Variants in HCN1 observed in about 807,000 individuals in gnomAD.
HCN1 encodes hyperpolarization activated cyclic nucleotide gated potassium channel 1, also known as potassium/sodium hyperpolarization-activated cyclic nucleotide-gated channel 1.
In HCN1, 13 loss-of-function variants were observed where a neutral mutation model predicts 78.9. The observed-to-expected ratio is 0.16, with a 90% CI of 0.11 to 0.26. The LOEUF is 0.26. Among genes scored for constraint, HCN1 ranks in the 10% least tolerant of loss-of-function variants. HCN1 has a pLI of 1.00. For synonymous variants in HCN1, 552 were observed against 455.5 expected (o/e 1.21, Z -2.70); for missense variants, 810 against 1,154.3 (o/e 0.70, Z 4.32).
intron 2 of HCN1, among the ~76,000 whole-genome samples, chr5:45,560,911 A>C (rs1327234661): frequency 2.0e-5 from 3 of 152,134 alleles, no homozygotes; most frequent in Non-Finnish European, 1.5e-5. Flanking sequence ...AAGTTTTTTA[A>C]CTGAGGAAAT....
intron 3 of HCN1, among the ~76,000 whole-genome samples, chr5:45,440,752 G>A (rs1192533512): frequency 6.6e-6 from 1 of 152,138 alleles, no homozygotes; most frequent in Non-Finnish European, 1.5e-5. Flanking sequence ...TTAGTTCCTG[G>A]TGCTGTAGCT....
At chr5:45,641,225 CAGTT>C (rs1207242382) in intron 2 of HCN1, among the ~76,000 whole-genome samples, 2 of 152,144 alleles carry the variant, frequency 1.3e-5, no homozygotes, top group Non-Finnish European at 1.5e-5. Context: ...TTTATAGTAA[CAGTT>C]AGTTTCTACT....
At chr5:45,584,777 C>T (rs1474287900) in intron 2 of HCN1, among the ~76,000 whole-genome samples, 1 of 152,084 alleles carries the variant, frequency 6.6e-6, no homozygotes, top group Non-Finnish European at 1.5e-5. Flanking sequence ...TTTATTTCTC[C>T]TTCACTTATG....
chr5:45,683,178 T>A (rs1340553584), intron 1 of HCN1, among the ~76,000 whole-genome samples: 1 of 152,130 alleles, frequency 6.6e-6, no homozygotes, highest in African/African-American at 2.4e-5. Context: ...ACTTTGGATT[T>A]AACTTTGCTG....
At chr5:45,383,130 T>C (rs1464336468) in intron 4 of HCN1, among the ~76,000 whole-genome samples, 1 of 152,198 alleles carries the variant, frequency 6.6e-6, no homozygotes, top group African/African-American at 2.4e-5. Context: ...CATGCAGTTA[T>C]GAAGATGCAG....
At position 45,258,987 on chromosome 5, in the gene HCN1, A is replaced by G. The variant is rs1744676492; in HGVS notation, c.*2934T>C. 2.6e-5 allele frequency: 4 copies of G among 152,000 alleles called. No individual in the cohort carries two copies. In the South Asian group the frequency reaches 8.3e-4, roughly 31 times the overall value. 9.4% of individuals were successfully genotyped at this position (152,000 alleles called of 1,614,324 possible). On this transcript the variant is annotated 3_prime_UTR_variant, in exon 8 of 8. Coordinates refer to ENST00000303230, the MANE Select transcript of HCN1 (RefSeq NM_021072.4). ...TGTGTTTTGAAGTTGGAGAACAACC[A>G]CATTCTAAAAAGGCACAGAGCAAAA...
intron 3 of HCN1, among the ~76,000 whole-genome samples, chr5:45,402,809 T>C (rs1156830909): frequency 1.6e-5 from 2 of 127,004 alleles, no homozygotes; most frequent in Admixed American, 7.8e-5. Context: ...CTTTCCTTTC[T>C]TTCCTCCTTC....
At chr5:45,479,425 A>C (rs1037783602) in intron 2 of HCN1, among the ~76,000 whole-genome samples, 1 of 152,252 alleles carries the variant, frequency 6.6e-6, no homozygotes, top group Non-Finnish European at 1.5e-5. Flanking sequence ...CCCTTTAACT[A>C]CATTGAATAA....
chr5:45,431,797 C>CT (rs931442289), intron 3 of HCN1, among the ~76,000 whole-genome samples: 6 of 151,982 alleles, frequency 3.9e-5, no homozygotes, highest in Non-Finnish European at 5.9e-5. Context: ...GTCTATGTAC[C>CT]TTTTTTTGTA....
chr5:45,297,686 C>A (rs1331986497), intron 6 of HCN1, among the ~76,000 whole-genome samples: 2 of 152,016 alleles, frequency 1.3e-5, no homozygotes, highest in Non-Finnish European at 2.9e-5. Flanking sequence ...AATAATATAT[C>A]TCATAAAGAT....
chr5:45,431,442 G>A (rs1236012224), intron 3 of HCN1, among the ~76,000 whole-genome samples: 1 of 151,996 alleles, frequency 6.6e-6, no homozygotes, highest in Non-Finnish European at 1.5e-5. Context: ...GCTTAATTAG[G>A]TTTCCGTTCT....
At chr5:45,594,215 T>G (rs1190850290) in intron 2 of HCN1, among the ~76,000 whole-genome samples, 1 of 152,198 alleles carries the variant, frequency 6.6e-6, no homozygotes, top group African/African-American at 2.4e-5. Flanking sequence ...GTACCATTAT[T>G]TTCCATTGCT....
chr5:45,455,685 CTA>C (rs902835312), intron 3 of HCN1, among the ~76,000 whole-genome samples: 3 of 148,222 alleles, frequency 2.0e-5, no homozygotes, highest in African/African-American at 7.5e-5. Context: ...ATTTCGCCCC[CTA>C]TGTTTCTGTA....
intron 3 of HCN1, among the ~76,000 whole-genome samples, chr5:45,449,978 G>T (rs1201387703): frequency 6.6e-6 from 1 of 152,098 alleles, no homozygotes; most frequent in Non-Finnish European, 1.5e-5. Flanking sequence ...GACTGCAGGT[G>T]CCTGCCACCA....
intron 1 of HCN1, among the ~76,000 whole-genome samples, chr5:45,676,279 A>T (rs984781914): frequency 1.3e-5 from 2 of 151,806 alleles, no homozygotes; most frequent in African/African-American, 4.8e-5. Flanking sequence ...TATGTGTCTT[A>T]TAAGTACATA....
At chr5:45,480,917 G>T (rs1051724458) in intron 2 of HCN1, among the ~76,000 whole-genome samples, 6 of 152,280 alleles carry the variant, frequency 3.9e-5, no homozygotes, top group Middle Eastern at 3.4e-3. Flanking sequence ...CAAACACTAT[G>T]TCATATGAAT....
chr5:45,387,077 C>T (rs961725125), intron 4 of HCN1, among the ~76,000 whole-genome samples: 14 of 151,696 alleles, frequency 9.2e-5, no homozygotes. Flanking sequence ...ATGTTTTGAT[C>T]CTTTAAGTAA....
chr5:45,310,594 G>A (rs1745830110), intron 5 of HCN1, among the ~76,000 whole-genome samples: 2 of 152,122 alleles, frequency 1.3e-5, no homozygotes, highest in African/African-American at 4.8e-5. Flanking sequence ...AGACATTGTG[G>A]AAGACAGTGT....
In HCN1 at chr5:45,696,057, T is replaced by C; in HGVS notation, c.37A>G (p.Ser13Gly). 7.4e-7 allele frequency: 1 copy of C among 1,354,310 alleles called. No individual in the cohort carries two copies. Among genetic ancestry groups the C allele is most frequent in the East Asian group, 3.8e-5 (1 of 26,482 alleles). The allele number at this position is 1,354,310 out of a possible 1,614,324, so 83.9% of individuals were successfully genotyped here. A position where few individuals can be genotyped will look rare whatever the true frequency, so the allele number is the denominator to read the frequency against. ...AAGACGCTGTTGCCATCGTCCCGGC[T>C]GTTAGACGAAGAGTTGGGCTTGCCG... ...GGGKPNSSSN[S>G]RDDGNSVFPA... The change falls in exon 1 of 8, where the codon AGC becomes GGC. Residue 13 changes from serine to glycine, a missense_variant. Physicochemically the swap from Ser to Gly is moderately conservative, Grantham distance 56 (BLOSUM62 0). Coordinates refer to ENST00000303230, the MANE Select transcript of HCN1 (RefSeq NM_021072.4).
Sources: gnomAD v4.1 joint callset for allele counts (sites outside exome capture counted in the v4.1 genomes callset) on GRCh38, gnomAD v4.1.1 for gene constraint, MANE v1.5 for transcripts, NCBI Gene and HGNC (gene_info 2026-07-23, HGNC 2026-07-21) for gene names.